SPECC1: variants seen among roughly 807,000 people sequenced by gnomAD.
The protein encoded by SPECC1 is sperm antigen with calponin homology and coiled-coil domains 1, also known as cytospin-B.
A neutral mutation model predicts 104.1 loss-of-function variants in SPECC1; 62 were observed. The ratio of observed to expected loss-of-function variants is 0.60; its 90% CI spans 0.49 to 0.74. SPECC1 has a LOEUF of 0.74. SPECC1 is among the 30% of genes least tolerant of loss of function. The probability of loss-of-function intolerance (pLI) is 0.00; values close to 1 mark genes in which losing one functional copy is unlikely to be tolerated. For missense variants in SPECC1, 1,306 were observed against 1,310.5 expected (o/e 1.00, Z 0.05); for synonymous variants, 513 against 501.6 (o/e 1.02, Z -0.30).
Position 20,227,542 on chromosome 17 carries a change from A to G in SPECC1, c.1993A>G (p.Ile665Val), listed in dbSNP as rs752035142. Reference protein sequence around the residue: ...DAEIKDMKETIFELEDQVEQH... With the variant: ...DAEIKDMKETVFELEDQVEQH... ...AGAGATCAAAGACATGAAAGAAACC[A>G]TATTTGAATTGGAAGATCAGGTGGA... is the stretch of plus-strand genomic sequence containing the variant. Residue 665 changes from isoleucine to valine, a missense_variant, in exon 5 of 15, where the codon ATA becomes GTA. Physicochemically the swap from Ile to Val is conservative, Grantham distance 29. Coordinates refer to ENST00000395527, the MANE Select transcript of SPECC1 (RefSeq NM_001243439.2). The G allele has an allele frequency of 2.5e-6, 4 of 1,612,686 alleles. No homozygotes were observed. Among genetic ancestry groups the G allele is most frequent in the Non-Finnish European group, 2.5e-6 (3 of 1,179,712 alleles).
intron 12 of SPECC1, among the ~76,000 whole-genome samples, chr17:20,280,011 G>A (rs1485059536): frequency 6.6e-6 from 1 of 152,158 alleles, no homozygotes; most frequent in Non-Finnish European, 1.5e-5. Context: ...TTGTTGGGAG[G>A]TGGAGTTTAA....
At chr17:20,116,476 A>G (rs748020669) in intron 3 of SPECC1, among the ~76,000 whole-genome samples, 55 of 140,910 alleles carry the variant, frequency 3.9e-4, no homozygotes, top group Non-Finnish European at 7.1e-4. Context: ...AAATATTTAG[A>G]AATAGTGTGA....
chr17:20,192,073 A>G (rs1031268273), intron 3 of SPECC1, among the ~76,000 whole-genome samples: 4 of 151,964 alleles, frequency 2.6e-5, no homozygotes, highest in Non-Finnish European at 5.9e-5. Flanking sequence ...AGTAGCTGGG[A>G]CTACAAGTGT....
At chr17:20,260,691 G>A (rs1598100958) in intron 12 of SPECC1, among the ~76,000 whole-genome samples, 1 of 152,208 alleles carries the variant, frequency 6.6e-6, no homozygotes, top group Non-Finnish European at 1.5e-5. Context: ...TATCCCTCAG[G>A]CATGAGGGAG....
chr17:20,172,036 TCTTC>T (rs2034132172), intron 3 of SPECC1, among the ~76,000 whole-genome samples: 1 of 152,218 alleles, frequency 6.6e-6, no homozygotes, highest in Admixed American at 6.5e-5. Context: ...TCTGGAGCTC[TCTTC>T]CTTTTCCCGC....
At chr17:20,296,550 C>G (rs1278894703) in intron 12 of SPECC1, among the ~76,000 whole-genome samples, 1 of 152,144 alleles carries the variant, frequency 6.6e-6, no homozygotes, top group Non-Finnish European at 1.5e-5. Context: ...TTTTCCAATT[C>G]TGTGAAGAAA....
At chr17:20,125,192 C>G (rs947942640) in intron 3 of SPECC1, among the ~76,000 whole-genome samples, 2 of 90,762 alleles carry the variant, frequency 2.2e-5, no homozygotes, top group East Asian at 2.2e-4. Flanking sequence ...AAAACAAAAA[C>G]AAAAACAAAA....
At chr17:20,232,855 T>C (rs545445375) in intron 7 of SPECC1, among the ~76,000 whole-genome samples, 43 of 152,296 alleles carry the variant, frequency 2.8e-4, no homozygotes, top group Admixed American at 4.6e-4. Context: ...ATGTGCCTGC[T>C]TATTGAGAAC....
intron 1 of SPECC1, among the ~76,000 whole-genome samples, chr17:20,015,447 G>T (rs76600466): frequency 5.3e-5 from 8 of 151,624 alleles, no homozygotes; most frequent in African/African-American, 1.9e-4. Context: ...ATCTTTATGG[G>T]CTGCATTCTG....
chr17:20,174,936 G>T (rs887018722), intron 3 of SPECC1, among the ~76,000 whole-genome samples: 4 of 151,976 alleles, frequency 2.6e-5, no homozygotes, highest in Non-Finnish European at 5.9e-5. Flanking sequence ...AAAATTTTTT[G>T]AAATGTTAGT....
chr17:20,133,924 G>T (rs112230783), intron 3 of SPECC1, among the ~76,000 whole-genome samples: 2,427 of 152,164 alleles, frequency 0.016, 46 homozygotes, highest in African/African-American at 0.054. Context: ...TTGTTTCAAG[G>T]ACAAGGAAAA....
intron 1 of SPECC1, among the ~76,000 whole-genome samples, chr17:20,032,953 C>T (rs867211536): frequency 1.3e-5 from 2 of 148,930 alleles, no homozygotes; most frequent in Admixed American, 6.7e-5. Flanking sequence ...CACACACACA[C>T]ATATATATAT....
chr17:20,048,380 G>A (rs1049125489), intron 1 of SPECC1, among the ~76,000 whole-genome samples: 3 of 151,844 alleles, frequency 2.0e-5, no homozygotes, highest in Non-Finnish European at 4.4e-5. Flanking sequence ...TGATCTGTCC[G>A]CCTCGGCCTC....
chr17:20,109,183 A>G (rs72830145), intron 2 of SPECC1, among the ~76,000 whole-genome samples: 7,765 of 152,336 alleles, frequency 0.051, 281 homozygotes, highest in Non-Finnish European at 0.078. Flanking sequence ...GCAAATATTT[A>G]AACTTCTAAC....
chr17:20,259,736 T>C (rs2039959144), intron 11 of SPECC1, among the ~76,000 whole-genome samples: 1 of 152,142 alleles, frequency 6.6e-6, no homozygotes, highest in Non-Finnish European at 1.5e-5. Context: ...GGTCTTGAAC[T>C]CTTGGGCTCA....
chr17:20,206,655 T>A (rs2036801084), intron 4 of SPECC1, among the ~76,000 whole-genome samples: 1 of 152,214 alleles, frequency 6.6e-6, no homozygotes, highest in Non-Finnish European at 1.5e-5. Context: ...CTTTCCAGTC[T>A]TTCAATATTA....
chr17:20,113,063 C>T (rs2048573363), intron 3 of SPECC1: 8 of 733,754 alleles, frequency 1.1e-5, no homozygotes, highest in Non-Finnish European at 2.0e-5. Flanking sequence ...TCCACCCGCT[C>T]AGTTGTCTAG....
At chr17:20,084,924 C>A (rs1483303804) in intron 1 of SPECC1, among the ~76,000 whole-genome samples, 1 of 152,164 alleles carries the variant, frequency 6.6e-6, no homozygotes, top group African/African-American at 2.4e-5. Context: ...TGGTGTAAGG[C>A]CTGCTGATAA....
chr17:20,239,897 T>G (rs1284053840), intron 7 of SPECC1, among the ~76,000 whole-genome samples: 3 of 131,446 alleles, frequency 2.3e-5, no homozygotes, highest in African/African-American at 5.8e-5. Context: ...TTTTTTTTTT[T>G]TTTTTTTTTT....
Sources: gnomAD v4.1 joint callset for allele counts (sites outside exome capture counted in the v4.1 genomes callset) on GRCh38, gnomAD v4.1.1 for gene constraint, MANE v1.5 for transcripts, NCBI Gene and HGNC (gene_info 2026-07-23, HGNC 2026-07-21) for gene names.